SLC20A2: variants seen among roughly 807,000 people sequenced by gnomAD.
The protein encoded by SLC20A2 is sodium-dependent phosphate transporter 2.
SLC20A2 carries 30 observed loss-of-function variants against 61.0 expected under a neutral mutation model. That is an observed-to-expected ratio of 0.49 (90% CI 0.37 to 0.67). SLC20A2 has a LOEUF of 0.67. Ranked by LOEUF, SLC20A2 falls within the 30% of genes least tolerant of loss-of-function variation. SLC20A2 has a pLI of 0.00. For synonymous variants in SLC20A2, 351 were observed against 353.3 expected, an observed-to-expected ratio of 0.99 and a Z score of 0.07; for missense variants, 626 against 866.4, an observed-to-expected ratio of 0.72 and a Z score of 3.48.
chr8:42,502,479 C>A (rs968163366), upstream of SLC20A2: 2 of 152,288 alleles, frequency 1.3e-5, no homozygotes, highest in Non-Finnish European at 2.9e-5. Flanking sequence ...CATGGCGATG[C>A]CCTCAGGAGG....
At chr8:42,473,604 C>G (rs370551211) in intron 1 of SLC20A2, among the ~76,000 whole-genome samples, 4 of 152,256 alleles carry the variant, frequency 2.6e-5, no homozygotes, top group African/African-American at 9.6e-5. Context: ...TGCCACTGTT[C>G]CTGCTTCTGG....
intron 1 of SLC20A2, among the ~76,000 whole-genome samples, chr8:42,533,888 G>A (rs1389958923): frequency 6.6e-6 from 1 of 150,600 alleles, no homozygotes; most frequent in African/African-American, 2.4e-5. Flanking sequence ...TCGAACTCCT[G>A]ACCTCGTGAT....
intron 5 of SLC20A2, among the ~76,000 whole-genome samples, chr8:42,457,483 C>CTTTT (rs35136224): frequency 7.0e-6 from 1 of 143,502 alleles, no homozygotes; most frequent in African/African-American, 2.5e-5. Flanking sequence ...AGTATTTAAA[C>CTTTT]TTTTTTTTTT....
At chr8:42,499,580 G>A (rs897787278) in intron 1 of SLC20A2, among the ~76,000 whole-genome samples, 3 of 152,096 alleles carry the variant, frequency 2.0e-5, no homozygotes, top group African/African-American at 7.2e-5. Context: ...CTCTTTTGCA[G>A]GACTAAGAAC....
intron 2 of SLC20A2, among the ~76,000 whole-genome samples, chr8:42,467,571 A>G (rs778608457): frequency 1.3e-5 from 2 of 152,192 alleles, no homozygotes; most frequent in Non-Finnish European, 2.9e-5. Flanking sequence ...CTTCAAAGGC[A>G]TCTGAGTTGC....
intron 2 of SLC20A2, among the ~76,000 whole-genome samples, chr8:42,469,141 T>C (rs1807426585): frequency 6.6e-6 from 1 of 151,788 alleles, no homozygotes; most frequent in African/African-American, 2.4e-5. Context: ...AAAAGGACTG[T>C]TGGATTTAGA....
chr8:42,508,547 C>A (rs919656419), intron 1 of SLC20A2, among the ~76,000 whole-genome samples: 2 of 152,046 alleles, frequency 1.3e-5, no homozygotes, highest in Non-Finnish European at 2.9e-5. Context: ...CCTGCCACCA[C>A]GCCTGGCTAA....
chr8:42,441,018 C>G (rs1283053173), intron 6 of SLC20A2, among the ~76,000 whole-genome samples: 2 of 152,104 alleles, frequency 1.3e-5, no homozygotes, highest in African/African-American at 4.8e-5. Flanking sequence ...CCAGGATGGT[C>G]TCGATTTCTT....
At chr8:42,492,947 C>T (rs1053640489) in intron 1 of SLC20A2, among the ~76,000 whole-genome samples, 5 of 152,334 alleles carry the variant, frequency 3.3e-5, no homozygotes, top group East Asian at 1.9e-4. Context: ...TCCCAAAGTG[C>T]TGGGATTACA....
intron 5 of SLC20A2, among the ~76,000 whole-genome samples, chr8:42,446,970 T>C (rs1296106195): frequency 2.6e-5 from 4 of 152,248 alleles, no homozygotes; most frequent in Non-Finnish European, 5.9e-5. Context: ...TTTAACACTT[T>C]GCTCTTAAAT....
Position 42,439,787 on chromosome 8 carries a change from T to TA in SLC20A2, c.731-135dup, listed in dbSNP as rs372378249. On this transcript the variant is annotated intron_variant, in intron 6 of 10. Transcript: ENST00000520262. ...AACAAAAAAAAAAGTTATAGCTAGA[T>TA]AGAGAAAATGAAGTTGAGGCCAGGT... 16 of 695,246 alleles carry TA rather than the reference T, an allele frequency of 2.3e-5. 1 individual carries two copies. The highest frequency in any genetic ancestry group is 2.2e-4 in the African/African-American group (12 of 55,282). The allele number at this position is 695,246 out of a possible 1,614,324, so 43.1% of individuals were successfully genotyped here.
intron 1 of SLC20A2, among the ~76,000 whole-genome samples, chr8:42,514,458 G>A (rs1311589362): frequency 6.6e-6 from 1 of 152,070 alleles, no homozygotes; most frequent in Non-Finnish European, 1.5e-5. Flanking sequence ...AACGATAAAA[G>A]CTAAAAAGCC....
At chr8:42,520,149 G>A (rs1224713800) in intron 1 of SLC20A2, among the ~76,000 whole-genome samples, 5 of 151,020 alleles carry the variant, frequency 3.3e-5, no homozygotes, top group African/African-American at 9.7e-5. Context: ...AAGCAGCTGG[G>A]ATTACAGGCA....
At chr8:42,447,791 A>G (rs192202544) in intron 5 of SLC20A2, among the ~76,000 whole-genome samples, 1 of 152,242 alleles carries the variant, frequency 6.6e-6, no homozygotes. Flanking sequence ...AAAAATCCAG[A>G]ATCACCTAGC....
chr8:42,505,758 A>C (rs1046032988), upstream of SLC20A2, among the ~76,000 whole-genome samples: 8 of 151,518 alleles, frequency 5.3e-5, no homozygotes, highest in Non-Finnish European at 1.2e-4. Flanking sequence ...GGGCACGGTC[A>C]CACATACCTG....
At chr8:42,435,838 C>T (rs930589405) in intron 8 of SLC20A2, among the ~76,000 whole-genome samples, 2 of 152,072 alleles carry the variant, frequency 1.3e-5, no homozygotes, top group South Asian at 4.1e-4. Context: ...GAAGGATGGC[C>T]GGGTGTGGTG....
chr8:42,529,106 A>G (rs1487201767), intron 1 of SLC20A2, among the ~76,000 whole-genome samples: 3 of 151,938 alleles, frequency 2.0e-5, no homozygotes, highest in Admixed American at 6.6e-5. Context: ...TCCCAAGTAG[A>G]TGGGACTACA....
At chr8:42,424,532 T>C (rs1008126933) in intron 10 of SLC20A2, among the ~76,000 whole-genome samples, 1 of 152,186 alleles carries the variant, frequency 6.6e-6, no homozygotes, top group African/African-American at 2.4e-5. Context: ...AAATATCTGA[T>C]AAACTGAGTC....
intron 1 of SLC20A2, among the ~76,000 whole-genome samples, chr8:42,476,860 A>G (rs1280060080): frequency 6.6e-6 from 1 of 152,238 alleles, no homozygotes; most frequent in Non-Finnish European, 1.5e-5. Flanking sequence ...CAAGACCTGC[A>G]GTCGGGGACT....
Sources: gnomAD v4.1 joint callset for allele counts (sites outside exome capture counted in the v4.1 genomes callset) on GRCh38, gnomAD v4.1.1 for gene constraint, MANE v1.5 for transcripts, NCBI Gene and HGNC (gene_info 2026-07-23, HGNC 2026-07-21) for gene names.